ACYP2: variants seen among roughly 807,000 people sequenced by gnomAD.
ACYP2 encodes the protein acylphosphatase 2.
A neutral mutation model predicts 11.2 loss-of-function variants in ACYP2; 12 were observed. That is an observed-to-expected ratio of 1.08 (90% CI 0.69 to 1.74). ACYP2 has a LOEUF of 1.74. Among genes scored for constraint, ACYP2 ranks in the 40% most tolerant of loss-of-function variants. The pLI, the probability that ACYP2 is intolerant of heterozygous loss-of-function variation, is 0.00. For missense variants in ACYP2, 134 were observed against 101.9 expected, an observed-to-expected ratio of 1.31 and a Z score of -1.35; for synonymous variants, 43 against 32.2, an observed-to-expected ratio of 1.33 and a Z score of -1.13.
chr2:54,236,726 A>T (rs1205994476), intron 6 of ACYP2, among the ~76,000 whole-genome samples: 1 of 152,178 alleles, frequency 6.6e-6, no homozygotes, highest in African/African-American at 2.4e-5. Flanking sequence ...TTCAAATTTT[A>T]CATATCGTTA....
chr2:54,072,501 C>T (rs750262910), intron 4 of ACYP2, among the ~76,000 whole-genome samples: 5 of 54,574 alleles, frequency 9.2e-5, no homozygotes, highest in South Asian at 7.7e-4. Flanking sequence ...CTTTCTTTCT[C>T]TCTCTCTCTC....
intron 2 of ACYP2, among the ~76,000 whole-genome samples, chr2:53,992,776 A>T (rs1672363644): frequency 6.6e-6 from 1 of 150,468 alleles, no homozygotes; most frequent in Non-Finnish European, 1.5e-5. Context: ...GGTTGCAGCG[A>T]GCTGAGACCA....
chr2:54,222,752 C>T (rs1236848783), intron 6 of ACYP2, among the ~76,000 whole-genome samples: 2 of 152,064 alleles, frequency 1.3e-5, no homozygotes, highest in African/African-American at 4.8e-5. Context: ...ACTAATTCCC[C>T]GGCCTTACAG....
rs192658152 is a variant in ACYP2, at chr2:54,214,862, T to G, written c.404+76114T>G. On this transcript the variant is annotated intron_variant, in intron 6 of 6. Transcript: ENST00000607452. ...GGACAGTATGGCCATCTTAACAATA[T>G]TGATTCTTCCTATCTGTGAGCATGG... Among the ~76,000 whole-genome samples the G allele has an allele frequency of 5.1e-4, 77 of 152,348 alleles. 2 individuals carry two copies. In the East Asian group the frequency reaches 0.013, roughly 25 times the overall value.
At chr2:54,227,606 G>C (rs1686062754) in intron 6 of ACYP2, among the ~76,000 whole-genome samples, 1 of 150,072 alleles carries the variant, frequency 6.7e-6, no homozygotes, top group African/African-American at 2.4e-5. Context: ...CCTGGCAACA[G>C]AGCAAGACTC....
intron 4 of ACYP2, among the ~76,000 whole-genome samples, chr2:54,126,055 T>A (rs943835647): frequency 6.6e-6 from 1 of 152,170 alleles, no homozygotes; most frequent in African/African-American, 2.4e-5. Flanking sequence ...CACTCCAGCC[T>A]GGGCGACAGA....
At chr2:54,184,387 A>G (rs1683879944) in intron 6 of ACYP2, among the ~76,000 whole-genome samples, 5 of 152,144 alleles carry the variant, frequency 3.3e-5, no homozygotes, top group Admixed American at 3.3e-4. Context: ...ATTTTTGTTC[A>G]TGGGGACCTT....
chr2:54,150,970 T>G (rs1222499084), intron 6 of ACYP2, among the ~76,000 whole-genome samples: 1 of 149,246 alleles, frequency 6.7e-6, no homozygotes, highest in African/African-American at 2.5e-5. Flanking sequence ...CTCGATCTCC[T>G]GACCTCGTGA....
intron 4 of ACYP2, among the ~76,000 whole-genome samples, chr2:54,084,267 C>G (rs184218694): frequency 6.6e-6 from 1 of 152,056 alleles, no homozygotes; most frequent in Non-Finnish European, 1.5e-5. Flanking sequence ...AAATGCAAAT[C>G]TTAGTATTCA....
chr2:54,299,141 C>A (rs1033542866), intron 6 of ACYP2, among the ~76,000 whole-genome samples: 1 of 152,132 alleles, frequency 6.6e-6, no homozygotes, highest in African/African-American at 2.4e-5. Flanking sequence ...AATGTTGAGG[C>A]CTTAACCTTC....
At chr2:54,036,728 C>G (rs1183584763) in intron 2 of ACYP2, among the ~76,000 whole-genome samples, 3 of 152,196 alleles carry the variant, frequency 2.0e-5, no homozygotes, top group Non-Finnish European at 4.4e-5. Flanking sequence ...CAAGAAAATT[C>G]TGGTCCATGT....
chr2:54,163,994 A>G (rs1356451041), intron 6 of ACYP2, among the ~76,000 whole-genome samples: 1 of 152,258 alleles, frequency 6.6e-6, no homozygotes, highest in Non-Finnish European at 1.5e-5. Context: ...CTGAGGCAAT[A>G]AAACTTATGC....
At chr2:54,207,618 G>A (rs1685136026) in intron 6 of ACYP2, among the ~76,000 whole-genome samples, 1 of 152,102 alleles carries the variant, frequency 6.6e-6, no homozygotes, top group South Asian at 2.1e-4. Flanking sequence ...GTTATTGTCA[G>A]TAAGCCAAAT....
At chr2:54,171,915 A>C (rs1683236572) in intron 6 of ACYP2, among the ~76,000 whole-genome samples, 1 of 152,144 alleles carries the variant, frequency 6.6e-6, no homozygotes, top group Admixed American at 6.6e-5. Flanking sequence ...TGTTGGTTTT[A>C]AAAATTGATA....
chr2:54,080,090 C>T lies in ACYP2; in HGVS notation c.277+22730C>T, dbSNP rs1394239732. On this transcript the variant is annotated intron_variant, in intron 4 of 6. Transcript: ENST00000607452. ...GACTACCTTGCTGTGAATGGCACAACTCACACCATAATGCAGCTTCATATA... is the reference window on the plus strand; with the variant it reads ...GACTACCTTGCTGTGAATGGCACAATTCACACCATAATGCAGCTTCATATA... 4 of 209,270 alleles carry T rather than the reference C, an allele frequency of 1.9e-5. No individual in the cohort carries two copies. In the East Asian group the frequency reaches 4.4e-4, roughly 23 times the overall value. 13.0% of individuals were successfully genotyped at this position (209,270 alleles called of 1,614,324 possible).
chr2:54,179,070 T>C (rs769552347), intron 6 of ACYP2, among the ~76,000 whole-genome samples: 7 of 152,128 alleles, frequency 4.6e-5, no homozygotes, highest in Non-Finnish European at 8.8e-5. Context: ...TGTCCTCACA[T>C]GGTGCAAAGG....
At chr2:54,199,391 A>T (rs879371698) in intron 6 of ACYP2, among the ~76,000 whole-genome samples, 7 of 152,178 alleles carry the variant, frequency 4.6e-5, no homozygotes, top group African/African-American at 7.2e-5. Context: ...AAGATCAAAG[A>T]TTATTAAGAT....
chr2:54,269,029 G>T (rs540239936), intron 6 of ACYP2, among the ~76,000 whole-genome samples: 1 of 152,212 alleles, frequency 6.6e-6, no homozygotes, highest in South Asian at 2.1e-4. Flanking sequence ...TGTATCCAAG[G>T]CTTACAAATA....
At chr2:54,066,261 C>T (rs1299895657) in intron 4 of ACYP2, among the ~76,000 whole-genome samples, 1 of 152,238 alleles carries the variant, frequency 6.6e-6, no homozygotes, top group East Asian at 1.9e-4. Context: ...TTTAGAAGTG[C>T]GTGGTGGATC....
Sources: gnomAD v4.1 joint callset for allele counts (sites outside exome capture counted in the v4.1 genomes callset) on GRCh38, gnomAD v4.1.1 for gene constraint, MANE v1.5 for transcripts, NCBI Gene and HGNC (gene_info 2026-07-23, HGNC 2026-07-21) for gene names.